The following SKIC3 variants were observed in gnomAD, a reference collection of about 807,000 sequenced individuals.
The protein encoded by SKIC3 is SKI3 subunit of superkiller complex, also known as superkiller complex protein 3.
the SKIC3 span, among the ~76,000 whole-genome samples, chr5:95,548,372 T>G: frequency 6.6e-6 from 1 of 152,190 alleles, no homozygotes; most frequent in East Asian, 1.9e-4. Flanking sequence ...ACATATTTTT[T>G]AATCTTTTTG....
the SKIC3 span, among the ~76,000 whole-genome samples, chr5:95,532,994 G>A: frequency 6.6e-6 from 1 of 151,998 alleles, no homozygotes; most frequent in Non-Finnish European, 1.5e-5. Context: ...GTACAATTTG[G>A]TGGCATTCAT....
chr5:95,505,224 T>C, the SKIC3 span, among the ~76,000 whole-genome samples: 286 of 152,314 alleles, frequency 1.9e-3, no homozygotes, highest in African/African-American at 6.5e-3. Flanking sequence ...GTTGTGGAAA[T>C]CTTTTTATAA....
chr5:95,477,678 T>C, the SKIC3 span, among the ~76,000 whole-genome samples: 1 of 152,228 alleles, frequency 6.6e-6, no homozygotes, highest in Admixed American at 6.5e-5. Flanking sequence ...CTTCATGCTT[T>C]AAGCATATGC....
chr5:95,469,661 C>A, the SKIC3 span: 1 of 1,401,682 alleles, frequency 7.1e-7, no homozygotes, highest in Non-Finnish European at 1.0e-6. Flanking sequence ...AAATACCCCC[C>A]AAAGTTTGTT....
At chr5:95,547,423 A>C in the SKIC3 span, among the ~76,000 whole-genome samples, 1 of 151,076 alleles carries the variant, frequency 6.6e-6, no homozygotes, top group African/African-American at 2.4e-5. Context: ...TATTTCCGGA[A>C]CCCCTTCCAT....
the SKIC3 span, chr5:95,536,962 T>C: frequency 6.3e-7 from 1 of 1,597,954 alleles, no homozygotes; most frequent in East Asian, 2.2e-5. Context: ...TACATTCTAG[T>C]AGTAGTAAAA....
the SKIC3 span, among the ~76,000 whole-genome samples, chr5:95,518,423 T>A: frequency 6.6e-6 from 1 of 152,132 alleles, no homozygotes; most frequent in Non-Finnish European, 1.5e-5. Context: ...CTAGCGTAAT[T>A]TTGTGTCCTT....
the SKIC3 span, among the ~76,000 whole-genome samples, chr5:95,502,319 C>T: frequency 2.0e-5 from 3 of 152,126 alleles, no homozygotes; most frequent in South Asian, 6.2e-4. Flanking sequence ...ATACATTAAT[C>T]ACTACTGCTT....
chr5:95,478,238 A>G, the SKIC3 span: 39 of 1,603,746 alleles, frequency 2.4e-5, no homozygotes, highest in Non-Finnish European at 3.2e-5. Context: ...TTCACGTCAA[A>G]GAAAGATAAA....
At chr5:95,543,467 C>T in the SKIC3 span, 1 of 960,344 alleles carries the variant, frequency 1.0e-6, no homozygotes, top group Admixed American at 2.1e-5. Flanking sequence ...TTTAACCTAT[C>T]TGGTTTCAGT....
the SKIC3 span, among the ~76,000 whole-genome samples, chr5:95,480,652 T>A: frequency 6.6e-6 from 1 of 152,138 alleles, no homozygotes; most frequent in African/African-American, 2.4e-5. Flanking sequence ...AAATTAACCA[T>A]ACATATACCC....
the SKIC3 span, among the ~76,000 whole-genome samples, chr5:95,503,589 A>C: frequency 6.6e-6 from 1 of 152,200 alleles, no homozygotes; most frequent in Non-Finnish European, 1.5e-5. Flanking sequence ...CATCTGTATA[A>C]TGAATACTCA....
At chr5:95,475,826 G>C in the SKIC3 span, among the ~76,000 whole-genome samples, 2 of 152,324 alleles carry the variant, frequency 1.3e-5, no homozygotes, top group South Asian at 4.1e-4. Context: ...CAATCCAGTA[G>C]ATAGCTAGTG....
the SKIC3 span, chr5:95,536,916 C>G: frequency 6.2e-7 from 1 of 1,613,532 alleles, no homozygotes; most frequent in Admixed American, 1.7e-5. Flanking sequence ...CTAGCAGACT[C>G]ATGAGGAAAC....
chr5:95,476,749 A>C, the SKIC3 span, among the ~76,000 whole-genome samples: 1 of 152,144 alleles, frequency 6.6e-6, no homozygotes, highest in East Asian at 1.9e-4. Flanking sequence ...CTTAGAGAAA[A>C]TACTTCGGTG....
chr5:95,474,515 A>T, the SKIC3 span, among the ~76,000 whole-genome samples: 1 of 152,210 alleles, frequency 6.6e-6, no homozygotes, highest in Non-Finnish European at 1.5e-5. Flanking sequence ...ATTCCTCTGT[A>T]TGTAATTTGA....
At chr5:95,512,424 A>C in the SKIC3 span, 25 of 1,567,948 alleles carry the variant, frequency 1.6e-5, no homozygotes, top group East Asian at 4.6e-4. Context: ...AAATTATTTA[A>C]ATTATTTCAA....
At chr5:95,493,896 G>A in the SKIC3 span, among the ~76,000 whole-genome samples, 1 of 151,888 alleles carries the variant, frequency 6.6e-6, no homozygotes, top group African/African-American at 2.4e-5. Flanking sequence ...TTTTCCAGTA[G>A]TGGTGATGGA....
chr5:95,468,796 G>A, the SKIC3 span, among the ~76,000 whole-genome samples: 2 of 152,086 alleles, frequency 1.3e-5, no homozygotes, highest in East Asian at 3.9e-4. Context: ...AATTATGGGA[G>A]GTGTTAACAA....
Sources: allele counts gnomAD v4.1 joint callset (sites outside exome capture counted in the v4.1 genomes callset), GRCh38; gene constraint gnomAD v4.1.1; transcripts MANE v1.5; gene names NCBI Gene and HGNC (gene_info 2026-07-23, HGNC 2026-07-21).